GYG1: variants seen among roughly 807,000 people sequenced by gnomAD.
The protein encoded by GYG1 is glycogenin 1.
In GYG1, 44 loss-of-function variants were observed where a neutral mutation model predicts 41.9. The ratio of observed to expected loss-of-function variants is 1.05; its 90% CI spans 0.83 to 1.35. GYG1 has a LOEUF of 1.35. Ranked by LOEUF, GYG1 falls within the 40% of genes most tolerant of loss-of-function variation. GYG1 has a pLI of 0.00. For synonymous variants in GYG1, 141 were observed against 158.1 expected, an observed-to-expected ratio of 0.89 and a Z score of 0.81; for missense variants, 429 against 418.9, an observed-to-expected ratio of 1.02 and a Z score of -0.21.
rs1314647022 is a variant in GYG1, at chr3:149,009,301, A to G, written c.507A>G (p.Thr169=). ...FDGGDQGILN[T]FFSSWATTDI... ...GTGGGGACCAAGGCATACTGAACAC[A>G]TTTTTTAGCAGCTGGGCAACAACAG... is the stretch of plus-strand genomic sequence containing the variant. The change falls in exon 5 of 8, where the codon ACA becomes ACG. Residue 169 remains threonine (T), a synonymous_variant. Coordinates refer to ENST00000345003, the MANE Select transcript of GYG1 (RefSeq NM_004130.4). The G allele has an allele frequency of 1.2e-6, 2 of 1,613,276 alleles. No individual in the cohort carries two copies. Among genetic ancestry groups the G allele is most frequent in the East Asian group, 2.2e-5 (1 of 44,882 alleles).
rs1329252001 is a variant in GYG1, at chr3:149,028,694, CAT to C, written c.*1763_*1764del. 6.7e-6 allele frequency among the ~76,000 whole-genome samples: 1 copy of C among 149,084 alleles called. No homozygotes were observed. Reference sequence around the variant, plus strand: ...CAAAGCTCTAAGGTGGAAAAGCTGACATAGTTTTAAATTTTTTTTTTTTTTTT... The same window carrying C: ...CAAAGCTCTAAGGTGGAAAAGCTGACAGTTTTAAATTTTTTTTTTTTTTTT... On this transcript the variant is annotated 3_prime_UTR_variant, in exon 8 of 8. Coordinates refer to ENST00000345003, the MANE Select transcript of GYG1 (RefSeq NM_004130.4).
rs962371649 is a variant in GYG1, at chr3:149,028,423, A to T, written c.*1490A>T. Among the ~76,000 whole-genome samples, 1 of 152,202 alleles carries T rather than the reference A, an allele frequency of 6.6e-6. No homozygotes were observed. Among genetic ancestry groups the T allele is most frequent in the Admixed American group, 6.5e-5 (1 of 15,286 alleles). On this transcript the variant is annotated 3_prime_UTR_variant, in exon 8 of 8. Coordinates refer to ENST00000345003, the MANE Select transcript of GYG1 (RefSeq NM_004130.4). ...AATGAGTCGCTATTGATCTTCAAGT[A>T]CAATGAAGCATTTACCAAAGATTTA...
intron 2 of GYG1, among the ~76,000 whole-genome samples, chr3:148,995,344 T>C (rs1712725906): frequency 6.6e-6 from 1 of 152,194 alleles, no homozygotes; most frequent in African/African-American, 2.4e-5. Context: ...CTCTAAGAAA[T>C]TGAAAATGCC....
intron 6 of GYG1, 132 bp downstream of exon 6, chr3:149,024,404 T>C (rs1714539863): frequency 2.9e-6 from 2 of 692,782 alleles, no homozygotes; most frequent in Non-Finnish European, 5.2e-6. Context: ...AAGAAAACAA[T>C]AACCATCTTA....
Position 149,012,264 on chromosome 3 carries a change from C to T in GYG1, c.608+2862C>T, listed in dbSNP as rs1227511320. On this transcript the variant is annotated intron_variant, in intron 5 of 7. Coordinates refer to ENST00000345003, the MANE Select transcript of GYG1 (RefSeq NM_004130.4). The stretch of plus-strand genomic sequence containing the variant: ...AGATCCCTGTGAATTTGAAGGCCCA[C>T]TCTTGGGTTCAGAATAACCTTGGTG... Among the ~76,000 whole-genome samples, 29 of 152,178 alleles carry T rather than the reference C, an allele frequency of 1.9e-4. 1 individual carries two copies. Among genetic ancestry groups the T allele is most frequent in the Admixed American group, 1.9e-3 (29 of 15,276 alleles).
In GYG1 at chr3:149,029,128, G is replaced by T. The variant is rs1373287605; in HGVS notation, c.*2195G>T. On this transcript the variant is annotated 3_prime_UTR_variant, in exon 8 of 8. Transcript: ENST00000345003. ...ATAATGCTGTCAAGTTATTTGGCTA[G>T]AAAATCACTGAACTAAACATTCTTT... Among the ~76,000 whole-genome samples the T allele has an allele frequency of 6.6e-6, 1 of 152,220 alleles. No individual in the cohort carries two copies. Among genetic ancestry groups the T allele is most frequent in the African/African-American group, 2.4e-5 (1 of 41,454 alleles).
At chr3:149,001,518 ATGTGTTATATG>A (rs909824729) in intron 4 of GYG1, 4 of 152,230 alleles carry the variant, frequency 2.6e-5, no homozygotes, top group African/African-American at 9.6e-5. Context: ...GAAGGGACTA[ATGTGTTATATG>A]TATGCAGGCT....
chr3:149,014,326 G>C (rs1485555958), intron 5 of GYG1, among the ~76,000 whole-genome samples: 1 of 152,164 alleles, frequency 6.6e-6, no homozygotes, highest in East Asian at 1.9e-4. Flanking sequence ...CAAGAGAAAA[G>C]CTTCCATATC....
At position 149,031,218 on chromosome 3, in the gene GYG1, C is replaced by T. The variant is rs934256023; in HGVS notation, c.*4285C>T. 1.3e-5 allele frequency: 2 copies of T among 152,356 alleles called. No individual in the cohort carries two copies. Among genetic ancestry groups the T allele is most frequent in the African/African-American group, 4.8e-5 (2 of 41,374 alleles). 9.4% of individuals were successfully genotyped at this position (152,356 alleles called of 1,614,324 possible). ...TACAGATAGCTGTAAGGATGAATTA[C>T]TCAAGTTCAAAATCAAATTCTGATT... On this transcript the variant is annotated 3_prime_UTR_variant, in exon 8 of 8. Transcript: ENST00000345003.
At chr3:149,024,585 C>T (rs1446203547) in intron 6 of GYG1, among the ~76,000 whole-genome samples, 1 of 152,132 alleles carries the variant, frequency 6.6e-6, no homozygotes, top group East Asian at 1.9e-4. Flanking sequence ...AAGTAGTGGT[C>T]TATAAAAACA....
At chr3:149,015,911 T>C (rs1403531176) in intron 5 of GYG1, among the ~76,000 whole-genome samples, 2 of 152,002 alleles carry the variant, frequency 1.3e-5, no homozygotes, top group East Asian at 3.8e-4. Context: ...AGTGATGTCC[T>C]TGGATAGGTG....
At chr3:149,016,316 T>C (rs1409263002) in intron 5 of GYG1, among the ~76,000 whole-genome samples, 1 of 149,856 alleles carries the variant, frequency 6.7e-6, no homozygotes, top group African/African-American at 2.5e-5. Flanking sequence ...CAGTTTATCC[T>C]TGGTAACATG....
chr3:148,991,749 A>C (rs1267195218), intron 1 of GYG1, 102 bp downstream of exon 1: 1 of 985,468 alleles, frequency 1.0e-6, no homozygotes, highest in Non-Finnish European at 1.5e-6. Flanking sequence ...TGTTCCCGGC[A>C]GGACGAAACC....
rs75563863 is a variant in GYG1, at chr3:149,004,858, G to C, written c.482-4418G>C. 9.1e-3 allele frequency among the ~76,000 whole-genome samples: 1,392 copies of C among 152,320 alleles called. 46 individuals carry two copies. Among genetic ancestry groups the C allele is most frequent in the Admixed American group, 0.067 (1,026 of 15,300 alleles). ...CCCAGCCTTCCTGTGGCACACAGCT[G>C]ATGGGCTGATGATGTTTGTAGGGTA... On this transcript the variant is annotated intron_variant, in intron 4 of 7. Coordinates refer to ENST00000345003, the MANE Select transcript of GYG1 (RefSeq NM_004130.4).
chr3:149,026,431 T>G, intron 6 of GYG1, 21 bp from the exon 7 acceptor site: 1 of 1,536,178 alleles, frequency 6.5e-7, no homozygotes, highest in Non-Finnish European at 9.0e-7. Context: ...CATCTTACAC[T>G]TTCTAATGAA....
At chr3:149,025,056 T>C (rs1196859203) in intron 6 of GYG1, among the ~76,000 whole-genome samples, 1 of 152,228 alleles carries the variant, frequency 6.6e-6, no homozygotes, top group Non-Finnish European at 1.5e-5. Context: ...TTTCACTTAC[T>C]AGCATTTACT....
chr3:149,007,946 A>C (rs888474939), intron 4 of GYG1: 3 of 152,186 alleles, frequency 2.0e-5, no homozygotes, highest in Non-Finnish European at 2.9e-5. Flanking sequence ...TGTGTCTTGT[A>C]TTGTTTTTAT....
chr3:149,022,213 T>C (rs1184820472), intron 5 of GYG1, among the ~76,000 whole-genome samples: 2 of 152,234 alleles, frequency 1.3e-5, no homozygotes, highest in African/African-American at 2.4e-5. Flanking sequence ...TTTATATACA[T>C]AGATTTCCTG....
intron 4 of GYG1, among the ~76,000 whole-genome samples, chr3:149,005,399 ATTAATG>A (rs1398240370): frequency 9.9e-5 from 15 of 152,272 alleles, no homozygotes; most frequent in African/African-American, 2.9e-4. Context: ...ATAAATGTTA[ATTAATG>A]TTTATGTTCT....
Sources: allele counts gnomAD v4.1 joint callset (sites outside exome capture counted in the v4.1 genomes callset), GRCh38; gene constraint gnomAD v4.1.1; transcripts MANE v1.5; gene names NCBI Gene and HGNC (gene_info 2026-07-23, HGNC 2026-07-21).